ADAMTS20: variants seen among roughly 807,000 people sequenced by gnomAD.
ADAMTS20 encodes ADAM metallopeptidase with thrombospondin type 1 motif 20, also known as A disintegrin and metalloproteinase with thrombospondin motifs 20.
Under a neutral mutation model 260.1 loss-of-function variants are expected in ADAMTS20, and 225 were observed. The ratio of observed to expected loss-of-function variants is 0.87; its 90% CI spans 0.78 to 0.97. ADAMTS20 has a LOEUF of 0.97. ADAMTS20 is among the 50% of genes least tolerant of loss of function. The pLI is 0.00. For synonymous variants in ADAMTS20, 802 were observed against 769.5 expected (o/e 1.04, Z -0.70); for missense variants, 2,400 against 2,337.7 (o/e 1.03, Z -0.55).
At chr12:43,447,493 C>G (rs1295075388) in intron 14 of ADAMTS20, among the ~76,000 whole-genome samples, 1 of 152,086 alleles carries the variant, frequency 6.6e-6, no homozygotes, top group Non-Finnish European at 1.5e-5. Flanking sequence ...GAACATACCT[C>G]AAAATAATCA....
intron 7 of ADAMTS20, among the ~76,000 whole-genome samples, chr12:43,477,630 C>A (rs1038323773): frequency 6.6e-6 from 1 of 152,180 alleles, no homozygotes; most frequent in Non-Finnish European, 1.5e-5. Context: ...CATATGCACT[C>A]TCTCTCTCTT....
Position 43,452,404 on chromosome 12 carries a change from G to C in ADAMTS20, c.1949C>G (p.Thr650Arg), listed in dbSNP as rs772493781. 1.2e-6 allele frequency: 2 copies of C among 1,608,720 alleles called. No individual in the cohort carries two copies. Among genetic ancestry groups the C allele is most frequent in the Non-Finnish European group, 1.7e-6 (2 of 1,178,500 alleles). ...RWLPRYSGIG[T>R]KDRCKLYCQV... ...ACAATAGAGTTTACAACGATCCTTT[G>C]TGCCAACTGTAAAAAAGAAAAAGGT... The change falls in exon 14 of 39, where the codon ACA (threonine) becomes AGA (arginine). Residue 650 changes from threonine (T) to arginine (R), a missense_variant. By Grantham distance (71) the Thr-to-Arg change is moderately conservative. Transcript: ENST00000389420.
chr12:43,515,481 T>C (rs1021101016), intron 3 of ADAMTS20, among the ~76,000 whole-genome samples: 1 of 152,186 alleles, frequency 6.6e-6, no homozygotes, highest in African/African-American at 2.4e-5. Context: ...TTTATTAATC[T>C]ACATTTACTC....
At position 43,388,536 on chromosome 12, in the gene ADAMTS20, T is replaced by G. The variant is rs1279846816; in HGVS notation, c.4453-4559A>C. Reference sequence around the variant, plus strand: ...TGGATAGGAGTTTTGGAAAACTGGCTGTGTAAACTGTAAACTTAGACAACT... The same window carrying G: ...TGGATAGGAGTTTTGGAAAACTGGCGGTGTAAACTGTAAACTTAGACAACT... On this transcript the variant is annotated intron_variant, in intron 29 of 38. Transcript: ENST00000389420. Among the ~76,000 whole-genome samples the G allele has an allele frequency of 2.0e-5, 3 of 152,264 alleles. No homozygotes were observed. In the East Asian group the frequency reaches 5.8e-4, roughly 29 times the overall value.
chr12:43,400,963 T>G (rs764877555), intron 28 of ADAMTS20, among the ~76,000 whole-genome samples: 17 of 151,984 alleles, frequency 1.1e-4, no homozygotes, highest in Non-Finnish European at 1.9e-4. Context: ...CCTTGATGTA[T>G]CCTCCAAGTG....
rs146069236 is a variant in ADAMTS20 at position 43,527,338 on chromosome 12, C to T, written c.613+4698G>A. 2.4e-3 allele frequency among the ~76,000 whole-genome samples: 369 copies of T among 152,042 alleles called. 2 individuals are homozygous for T. Among genetic ancestry groups the T allele is most frequent in the Admixed American group, 5.1e-3 (78 of 15,260 alleles). ...GAAACAGGGAATCCTCCATAAATAT[C>T]CTATGAAGTCAGCATCACTCTGATA... is the stretch of plus-strand genomic sequence containing the variant. On this transcript the variant is annotated intron_variant, in intron 3 of 38. Coordinates refer to ENST00000389420, the MANE Select transcript of ADAMTS20 (RefSeq NM_025003.5).
At chr12:43,423,765 T>A (rs1565690748) in intron 28 of ADAMTS20, 1 of 702,540 alleles carries the variant, frequency 1.4e-6, no homozygotes, top group Non-Finnish European at 2.6e-6. Flanking sequence ...AAGAAATATG[T>A]TTCAATTGTC....
At chr12:43,448,737 CATCTGACAAAGGTCT>C (rs1241289434) in intron 14 of ADAMTS20, among the ~76,000 whole-genome samples, 1 of 151,996 alleles carries the variant, frequency 6.6e-6, no homozygotes, top group Admixed American at 6.6e-5. Flanking sequence ...GCAAACTATA[CATCTGACAAAGGTCT>C]ATTATCCAGC....
intron 7 of ADAMTS20, among the ~76,000 whole-genome samples, chr12:43,480,846 T>G (rs1381159436): frequency 2.6e-5 from 4 of 152,058 alleles, no homozygotes; most frequent in Admixed American, 2.0e-4. Context: ...AAGTTCTTAG[T>G]CAAAGGGTAC....
In ADAMTS20 at chr12:43,492,598, G is replaced by A. The variant is rs754018277; in HGVS notation, c.983C>T (p.Thr328Ile). Residue 328 changes from threonine (T) to isoleucine (I), a missense_variant, in exon 6 of 39, where the codon ACC (threonine) becomes ATC (isoleucine). Transcript: ENST00000389420. ...CCATGAACAAAAGTTCTTTAATGTG[G>A]TAGCACCATCAAAATTAATGACTGG... ...EGPVINFDGA[T>I]TLKNFCSWQQ... The A allele has an allele frequency of 6.2e-7, 1 of 1,613,670 alleles. No individual in the cohort carries two copies. The highest frequency in any genetic ancestry group is 8.5e-7 in the Non-Finnish European group (1 of 1,179,784).
chr12:43,372,378 CTT>C (rs1940125949), intron 36 of ADAMTS20, among the ~76,000 whole-genome samples: 1 of 152,108 alleles, frequency 6.6e-6, no homozygotes, highest in Non-Finnish European at 1.5e-5. Flanking sequence ...GAAAACAAGA[CTT>C]TATCATTGAA....
At chr12:43,469,491 T>C (rs1942214052) in intron 7 of ADAMTS20, among the ~76,000 whole-genome samples, 1 of 152,154 alleles carries the variant, frequency 6.6e-6, no homozygotes, top group Admixed American at 6.6e-5. Context: ...CAACAATCCA[T>C]ACTTCACCAC....
At chr12:43,434,394 T>A (rs1304540751) in intron 18 of ADAMTS20, 23 bp from the exon 19 acceptor site, 18 of 1,546,924 alleles carry the variant, frequency 1.2e-5, no homozygotes, top group Non-Finnish European at 1.6e-5. Context: ...CAAATGAAAA[T>A]AAAAAATGAA....
intron 29 of ADAMTS20, among the ~76,000 whole-genome samples, chr12:43,390,057 C>T (rs923094358): frequency 1.3e-5 from 2 of 152,168 alleles, no homozygotes; most frequent in Non-Finnish European, 2.9e-5. Flanking sequence ...GGAGACACAT[C>T]TGGGGTAGTT....
At chr12:43,462,756 C>G (rs1470414005) in intron 11 of ADAMTS20, 139 bp downstream of exon 11, 1 of 653,914 alleles carries the variant, frequency 1.5e-6, no homozygotes, top group Non-Finnish European at 2.6e-6. Flanking sequence ...TGTACTATAT[C>G]AAACAAACAT....
chr12:43,525,873 C>T (rs1161908424), intron 3 of ADAMTS20, among the ~76,000 whole-genome samples: 2 of 152,118 alleles, frequency 1.3e-5, no homozygotes, highest in African/African-American at 4.8e-5. Context: ...CTCCCAGACT[C>T]ATAAAACAAT....
intron 7 of ADAMTS20, among the ~76,000 whole-genome samples, chr12:43,489,711 C>T (rs1250459789): frequency 6.6e-6 from 1 of 151,804 alleles, no homozygotes; most frequent in African/African-American, 2.4e-5. Context: ...CTTAATGGCA[C>T]AGGCATCTTA....
Position 43,499,486 on chromosome 12 carries a change from A to AT in ADAMTS20, c.867+2665dup, listed in dbSNP as rs71091160. On this transcript the variant is annotated intron_variant, in intron 4 of 38. Transcript: ENST00000389420. ...ATATCTTCTAACAGTGATGATACTG[A>AT]TTTTTTTTTTTTTTTTTTTTTTAGA... is the stretch of plus-strand genomic sequence containing the variant. Among the ~76,000 whole-genome samples the AT allele has an allele frequency of 1.3e-3, 169 of 126,078 alleles. 2 individuals are homozygous for AT. The highest frequency in any genetic ancestry group is 3.0e-3 in the South Asian group (11 of 3,610). 82.7% of individuals were successfully genotyped at this position (126,078 alleles called of 152,430 possible).
At chr12:43,433,996 C>T (rs1417106346) in intron 19 of ADAMTS20, among the ~76,000 whole-genome samples, 4 of 152,026 alleles carry the variant, frequency 2.6e-5, no homozygotes, top group Admixed American at 6.6e-5. Flanking sequence ...ATTTTACAGA[C>T]AAAATTACAA....
Sources: gnomAD v4.1 joint callset for allele counts (sites outside exome capture counted in the v4.1 genomes callset) on GRCh38, gnomAD v4.1.1 for gene constraint, MANE v1.5 for transcripts, NCBI Gene and HGNC (gene_info 2026-07-23, HGNC 2026-07-21) for gene names.